GRIP1: variants seen among roughly 807,000 people sequenced by gnomAD.
GRIP1 encodes the protein glutamate receptor-interacting protein 1.
A neutral mutation model predicts 129.9 loss-of-function variants in GRIP1; 45 were observed. That is an observed-to-expected ratio of 0.35 (90% CI 0.27 to 0.44). GRIP1 has a LOEUF of 0.44. Ranked by LOEUF, GRIP1 falls within the 20% of genes least tolerant of loss-of-function variation. The pLI, the probability that GRIP1 is intolerant of heterozygous loss-of-function variation, is 1.00. For synonymous variants in GRIP1, 530 were observed against 520.8 expected (o/e 1.02, Z -0.24); for missense variants, 1,196 against 1,396.8 (o/e 0.86, Z 2.29).
chr12:66,482,946 A>C (rs2059846904), intron 7 of GRIP1, among the ~76,000 whole-genome samples: 1 of 152,246 alleles, frequency 6.6e-6, no homozygotes, highest in South Asian at 2.1e-4. Flanking sequence ...TATTTACACC[A>C]TGAGTGAAGC....
intron 1 of GRIP1, among the ~76,000 whole-genome samples, chr12:66,828,305 T>G (rs755161168): frequency 6.6e-6 from 1 of 152,150 alleles, no homozygotes; most frequent in Non-Finnish European, 1.5e-5. Context: ...CTAAAAAAAT[T>G]AAAACTAATG....
intron 2 of GRIP1, among the ~76,000 whole-genome samples, chr12:66,565,957 T>C (rs2139447468): frequency 6.6e-6 from 1 of 152,350 alleles, no homozygotes; most frequent in Admixed American, 6.5e-5. Flanking sequence ...CTTGTGATTT[T>C]TGTACATTGA....
chr12:66,633,726 A>C (rs2031076043), intron 1 of GRIP1, among the ~76,000 whole-genome samples: 1 of 152,172 alleles, frequency 6.6e-6, no homozygotes, highest in Non-Finnish European at 1.5e-5. Context: ...GTAGGAAACT[A>C]AGAAGTTGTA....
Position 66,528,000 on chromosome 12 carries a change from T to C in GRIP1, c.502+1831A>G, listed in dbSNP as rs79231599. On this transcript the variant is annotated intron_variant, in intron 5 of 24. Transcript: ENST00000359742. ...TTGGAAAGAAAAAAAATCCCTGATG[T>C]TTATATAGCTCCCTATTGAAGCTCA... Among the ~76,000 whole-genome samples the C allele has an allele frequency of 4.3e-3, 647 of 152,208 alleles. 14 individuals carry two copies. Among genetic ancestry groups the C allele is most frequent in the East Asian group, 0.033 (172 of 5,178 alleles).
intron 1 of GRIP1, among the ~76,000 whole-genome samples, chr12:66,646,095 T>G (rs1422516587): frequency 6.6e-6 from 1 of 152,204 alleles, no homozygotes; most frequent in Non-Finnish European, 1.5e-5. Context: ...CATTCATCTT[T>G]CAAGAAATTC....
chr12:66,703,874 T>C (rs1055055890), intron 1 of GRIP1, among the ~76,000 whole-genome samples: 6 of 151,324 alleles, frequency 4.0e-5, no homozygotes, highest in African/African-American at 9.7e-5. Flanking sequence ...AAATGAGGAG[T>C]TAGTATTGAT....
intron 1 of GRIP1, among the ~76,000 whole-genome samples, chr12:66,757,540 GCT>G (rs2037334390): frequency 6.6e-6 from 1 of 152,162 alleles, no homozygotes; most frequent in Non-Finnish European, 1.5e-5. Flanking sequence ...TGTGAATAGT[GCT>G]TCAACACATA....
chr12:67,043,122 T>C (rs191499693), intron 1 of GRIP1, among the ~76,000 whole-genome samples: 15 of 152,318 alleles, frequency 9.8e-5, no homozygotes, highest in Admixed American at 3.9e-4. Flanking sequence ...TGCGAGGGAC[T>C]GCAGGCGAGA....
At chr12:66,426,668 T>C (rs560812314) in intron 14 of GRIP1, among the ~76,000 whole-genome samples, 1 of 152,106 alleles carries the variant, frequency 6.6e-6, no homozygotes, top group Admixed American at 6.6e-5. Flanking sequence ...TATTAAAGAG[T>C]GTGGTCCTAA....
chr12:66,509,665 G>C (rs968466334), intron 7 of GRIP1, among the ~76,000 whole-genome samples: 5 of 152,150 alleles, frequency 3.3e-5, no homozygotes, highest in African/African-American at 1.2e-4. Context: ...GATGGAGCTG[G>C]AAGCCATTAT....
chr12:66,393,435 G>A (rs1345981148), intron 17 of GRIP1, among the ~76,000 whole-genome samples: 2 of 152,028 alleles, frequency 1.3e-5, no homozygotes, highest in African/African-American at 4.8e-5. Flanking sequence ...GCCTCCCAAA[G>A]TTCTGGGATT....
At chr12:66,393,408 G>A (rs143965496) in intron 17 of GRIP1, among the ~76,000 whole-genome samples, 8 of 152,002 alleles carry the variant, frequency 5.3e-5, no homozygotes, top group African/African-American at 1.4e-4. Flanking sequence ...AACTGACCTC[G>A]TGATCCATCT....
At chr12:66,433,666 T>C (rs1213842587) in intron 13 of GRIP1, among the ~76,000 whole-genome samples, 1 of 152,226 alleles carries the variant, frequency 6.6e-6, no homozygotes, top group Non-Finnish European at 1.5e-5. Context: ...CTTTAATTAA[T>C]GATAAGGTTA....
At chr12:67,033,057 G>A (rs1171094438) in intron 1 of GRIP1, among the ~76,000 whole-genome samples, 2 of 151,932 alleles carry the variant, frequency 1.3e-5, no homozygotes. Context: ...GCAATATGTG[G>A]CTAGTAGCAA....
At chr12:66,729,605 G>A (rs181968618) in intron 1 of GRIP1, among the ~76,000 whole-genome samples, 10 of 152,042 alleles carry the variant, frequency 6.6e-5, no homozygotes, top group Non-Finnish European at 1.5e-4. Context: ...ACGGAGTCTT[G>A]CTCTGTTGCC....
chr12:66,499,339 G>A (rs2060323939), intron 7 of GRIP1, among the ~76,000 whole-genome samples: 1 of 152,140 alleles, frequency 6.6e-6, no homozygotes, highest in Non-Finnish European at 1.5e-5. Context: ...AAAATATGAT[G>A]AAGATTATAA....
At chr12:66,477,139 A>G in intron 7 of GRIP1, among the ~76,000 whole-genome samples, 1 of 152,240 alleles carries the variant, frequency 6.6e-6, no homozygotes, top group Admixed American at 6.5e-5. Flanking sequence ...CCATCGTCTC[A>G]GCCCAAAATC....
intron 1 of GRIP1, chr12:66,626,647 T>A (rs2030090375): frequency 6.6e-6 from 1 of 152,432 alleles, no homozygotes; most frequent in South Asian, 2.1e-4. Flanking sequence ...TCTGCTGGTG[T>A]CTTATGTTCT....
chr12:67,036,638 G>A (rs548838141), intron 1 of GRIP1, among the ~76,000 whole-genome samples: 10 of 152,134 alleles, frequency 6.6e-5, no homozygotes, highest in African/African-American at 2.2e-4. Flanking sequence ...GCCAGAATAA[G>A]GATGTCAACA....
Sources: allele counts gnomAD v4.1 joint callset (sites outside exome capture counted in the v4.1 genomes callset), GRCh38; gene constraint gnomAD v4.1.1; transcripts MANE v1.5; gene names NCBI Gene and HGNC (gene_info 2026-07-23, HGNC 2026-07-21).